The following TMPRSS11A variants were observed in gnomAD, a reference collection of about 807,000 sequenced individuals.
TMPRSS11A encodes transmembrane protease serine 11A.
TMPRSS11A carries 53 observed loss-of-function variants against 58.9 expected under a neutral mutation model. The observed-to-expected ratio is 0.90, with a 90% confidence interval of 0.72 to 1.13. The LOEUF is 1.13. Among genes scored for constraint, TMPRSS11A ranks in the 50% most tolerant of loss-of-function variants. The pLI is 0.00. For missense variants in TMPRSS11A, 493 were observed against 499.3 expected, an observed-to-expected ratio of 0.99 and a Z score of 0.12; for synonymous variants, 167 against 169.8, an observed-to-expected ratio of 0.98 and a Z score of 0.13.
Position 67,931,989 on chromosome 4 carries a change from A to G in TMPRSS11A, c.320+4T>C, listed in dbSNP as rs1157949658. ...TGATTCCACCTTTGCCCAAACATACATACGTCAGTCTGACTACTTGGTTCT... is the reference window on the plus strand; with the variant it reads ...TGATTCCACCTTTGCCCAAACATACGTACGTCAGTCTGACTACTTGGTTCT... On this transcript the variant is annotated splice_donor_region_variant and intron_variant, in intron 4 of 9. Transcript: ENST00000508048. The G allele has an allele frequency of 3.2e-6, 5 of 1,582,424 alleles. No individual in the cohort carries two copies. Among genetic ancestry groups the G allele is most frequent in the African/African-American group, 2.7e-5 (2 of 74,288 alleles).
chr4:67,943,371 T>G (rs1341949933), intron 3 of TMPRSS11A, among the ~76,000 whole-genome samples: 1 of 152,182 alleles, frequency 6.6e-6, no homozygotes, highest in Non-Finnish European at 1.5e-5. Context: ...ATTTCAAAAT[T>G]TCCCAGTAAA....
chr4:67,918,194 G>A (rs1720211764), intron 8 of TMPRSS11A, among the ~76,000 whole-genome samples: 1 of 152,178 alleles, frequency 6.6e-6, no homozygotes, highest in South Asian at 2.1e-4. Context: ...CTCAAGCCCA[G>A]TGTTAAAGAA....
intron 1 of TMPRSS11A, among the ~76,000 whole-genome samples, chr4:67,947,795 T>G (rs1380922970): frequency 6.6e-6 from 1 of 152,194 alleles, no homozygotes; most frequent in Non-Finnish European, 1.5e-5. Flanking sequence ...TGGGCTGCAT[T>G]AGCCTTGTTC....
intron 3 of TMPRSS11A, among the ~76,000 whole-genome samples, chr4:67,936,179 T>C (rs1040401960): frequency 6.6e-6 from 1 of 152,166 alleles, no homozygotes; most frequent in Non-Finnish European, 1.5e-5. Flanking sequence ...TACCCACTGA[T>C]GGGCAGCAAG....
At chr4:67,930,911 T>A (rs1661167440) in intron 4 of TMPRSS11A, among the ~76,000 whole-genome samples, 1 of 149,622 alleles carries the variant, frequency 6.7e-6, no homozygotes. Context: ...TGAGACAATT[T>A]ATGTATTTTT....
At chr4:67,928,527 TTAAC>T (rs1720531325) in intron 5 of TMPRSS11A, among the ~76,000 whole-genome samples, 2 of 152,242 alleles carry the variant, frequency 1.3e-5, no homozygotes, top group Non-Finnish European at 1.5e-5. Flanking sequence ...TCCTGACAAA[TTAAC>T]TATTTATTGG....
intron 1 of TMPRSS11A, among the ~76,000 whole-genome samples, chr4:67,958,421 G>T (rs149144999): frequency 1.2e-3 from 181 of 152,366 alleles, no homozygotes; most frequent in South Asian, 4.6e-3. Flanking sequence ...GTGAGACAAG[G>T]ACCCAAAGGA....
chr4:67,916,705 C>T (rs1358086131), intron 8 of TMPRSS11A, among the ~76,000 whole-genome samples: 1 of 151,910 alleles, frequency 6.6e-6, no homozygotes, highest in African/African-American at 2.4e-5. Context: ...TGGGCGCCTG[C>T]AGTCCCAGCT....
intron 5 of TMPRSS11A, among the ~76,000 whole-genome samples, chr4:67,928,834 C>T (rs575671363): frequency 3.9e-4 from 60 of 152,306 alleles, no homozygotes; most frequent in African/African-American, 1.3e-3. Flanking sequence ...TGATAAAAAT[C>T]GCTTGCCCTG....
intron 5 of TMPRSS11A, among the ~76,000 whole-genome samples, chr4:67,927,692 G>A (rs1465686712): frequency 1.3e-5 from 2 of 152,178 alleles, no homozygotes; most frequent in Admixed American, 1.3e-4. Context: ...GGCCAGAAAA[G>A]CAACACCCCC....
chr4:67,938,846 G>A (rs1334276664), intron 3 of TMPRSS11A, among the ~76,000 whole-genome samples: 1 of 149,132 alleles, frequency 6.7e-6, no homozygotes, highest in Non-Finnish European at 1.5e-5. Context: ...ATAATGTGAG[G>A]CCTCTGGCTC....
chr4:67,961,825 C>T (rs1721436717), intron 1 of TMPRSS11A, among the ~76,000 whole-genome samples: 1 of 152,022 alleles, frequency 6.6e-6, no homozygotes, highest in East Asian at 1.9e-4. Context: ...TTTCCTTTAT[C>T]AGCAGGTGTC....
At chr4:67,933,384 C>T (rs146695118) in intron 3 of TMPRSS11A, among the ~76,000 whole-genome samples, 21 of 152,294 alleles carry the variant, frequency 1.4e-4, no homozygotes, top group African/African-American at 5.1e-4. Context: ...GGGTCCGCCT[C>T]TTCCCACTCA....
chr4:67,919,291 A>T, intron 7 of TMPRSS11A, 59 bp from the exon 8 acceptor site: 1 of 1,480,160 alleles, frequency 6.8e-7, no homozygotes, highest in Admixed American at 1.8e-5. Flanking sequence ...TATGAGCTAG[A>T]TTAATTGCAT....
At chr4:67,922,360 G>A (rs578044744) in intron 7 of TMPRSS11A, among the ~76,000 whole-genome samples, 124 of 152,274 alleles carry the variant, frequency 8.1e-4, no homozygotes, top group South Asian at 1.7e-3. Context: ...GAATTAGTTT[G>A]ATTATTTAAG....
intron 1 of TMPRSS11A, among the ~76,000 whole-genome samples, chr4:67,949,058 CAATGTGTCTTCAAGTCATTTGAAAAGAA>C (rs1354829729): frequency 8.6e-5 from 13 of 151,882 alleles, no homozygotes; most frequent in Admixed American, 7.2e-4. Context: ...AGAATCTTAT[CAATGTGTCTTCAAGTCATTTGAAAAGAA>C]AAAAAGACCA....
chr4:67,937,113 CTAAA>C (rs1433254458), intron 3 of TMPRSS11A, among the ~76,000 whole-genome samples: 11 of 152,148 alleles, frequency 7.2e-5, no homozygotes, highest in African/African-American at 2.4e-4. Context: ...TGATGATAAA[CTAAA>C]TAGATTCTCC....
At chr4:67,914,473 C>G in intron 9 of TMPRSS11A, 115 bp downstream of exon 9, 1 of 962,126 alleles carries the variant, frequency 1.0e-6, no homozygotes, top group East Asian at 2.8e-5. Context: ...GCATTTGTAA[C>G]TTTTTTGAGC....
intron 1 of TMPRSS11A, among the ~76,000 whole-genome samples, chr4:67,959,447 A>G (rs1473439264): frequency 6.6e-6 from 1 of 152,256 alleles, no homozygotes; most frequent in Non-Finnish European, 1.5e-5. Context: ...GTCACAAACC[A>G]TGCATCTGAC....
Sources: gnomAD v4.1 joint callset for allele counts (sites outside exome capture counted in the v4.1 genomes callset) on GRCh38, gnomAD v4.1.1 for gene constraint, MANE v1.5 for transcripts, NCBI Gene and HGNC (gene_info 2026-07-23, HGNC 2026-07-21) for gene names.